The following THSD7A variants were observed in gnomAD, a reference collection of about 807,000 sequenced individuals.
THSD7A encodes the protein thrombospondin type-1 domain-containing protein 7A.
THSD7A carries 96 observed loss-of-function variants against 231.3 expected under a neutral mutation model. That is an observed-to-expected ratio of 0.41 (90% CI 0.35 to 0.49). The LOEUF (loss-of-function observed/expected upper bound fraction) is 0.49. THSD7A is among the 20% of genes least tolerant of loss of function. THSD7A has a pLI of 0.05. For missense variants in THSD7A, 2,290 were observed against 2,070.2 expected, an observed-to-expected ratio of 1.11 and a Z score of -2.06; for synonymous variants, 940 against 743.3, an observed-to-expected ratio of 1.26 and a Z score of -4.30.
At chr7:11,758,155 G>A (rs1019921929) in intron 1 of THSD7A, among the ~76,000 whole-genome samples, 8 of 151,546 alleles carry the variant, frequency 5.3e-5, no homozygotes, top group African/African-American at 1.9e-4. Flanking sequence ...TAGAGAAAAT[G>A]GTGGAAACTG....
At chr7:11,425,942 G>T (rs146911901) in intron 15 of THSD7A, among the ~76,000 whole-genome samples, 122 of 152,078 alleles carry the variant, frequency 8.0e-4, no homozygotes, top group Middle Eastern at 3.4e-3. Context: ...GTCTCAAAGA[G>T]GAATAAAAAA....
intron 1 of THSD7A, among the ~76,000 whole-genome samples, chr7:11,721,154 T>G (rs1046037446): frequency 6.6e-6 from 1 of 151,850 alleles, no homozygotes; most frequent in Non-Finnish European, 1.5e-5. Context: ...ACTTATTTTA[T>G]CCTAGTAATC....
At chr7:11,478,791 A>G (rs1388001178) in intron 7 of THSD7A, among the ~76,000 whole-genome samples, 2 of 152,244 alleles carry the variant, frequency 1.3e-5, no homozygotes, top group East Asian at 1.9e-4. Context: ...ACATACATAC[A>G]TATATACACA....
chr7:11,556,266 A>G (rs1789839401), intron 4 of THSD7A, among the ~76,000 whole-genome samples: 1 of 151,114 alleles, frequency 6.6e-6, no homozygotes, highest in South Asian at 2.1e-4. Flanking sequence ...TTACATATAT[A>G]TGTCATATAT....
intron 1 of THSD7A, among the ~76,000 whole-genome samples, chr7:11,795,729 C>A (rs1050689867): frequency 1.7e-4 from 25 of 151,306 alleles, no homozygotes; most frequent in Non-Finnish European, 3.0e-4. Context: ...TGATAGAAAG[C>A]AAAAAAACTG....
chr7:11,546,059 A>G (rs1562705824), intron 4 of THSD7A, among the ~76,000 whole-genome samples: 2 of 152,078 alleles, frequency 1.3e-5, no homozygotes, highest in Admixed American at 6.5e-5. Flanking sequence ...CTGCTACTGT[A>G]GCTCCTTCAT....
At chr7:11,763,932 ATAAG>A (rs1308648551) in intron 1 of THSD7A, among the ~76,000 whole-genome samples, 1 of 152,174 alleles carries the variant, frequency 6.6e-6, no homozygotes, top group Non-Finnish European at 1.5e-5. Context: ...TTAAATGGGG[ATAAG>A]TAAGTAATAT....
chr7:11,549,506 T>A (rs903136142), intron 4 of THSD7A, among the ~76,000 whole-genome samples: 4 of 152,050 alleles, frequency 2.6e-5, no homozygotes, highest in Non-Finnish European at 5.9e-5. Context: ...CTATTCACAA[T>A]AGCAAAGACA....
intron 9 of THSD7A, among the ~76,000 whole-genome samples, chr7:11,465,290 T>C (rs899413920): frequency 1.9e-4 from 29 of 152,094 alleles, no homozygotes. Flanking sequence ...GCATTAAGGA[T>C]TAATAAAAAT....
In THSD7A at chr7:11,429,141, T is replaced by G; in HGVS notation, c.3065-16A>C. On this transcript the variant is annotated splice_polypyrimidine_tract_variant and intron_variant, in intron 13 of 27. Transcript: ENST00000423059. ...TCAATGTAACCTGAGTAGAGGAAAA[T>G]GAGACAAGAATCATCTCCTCCACCT... 6.5e-7 allele frequency: 1 copy of G among 1,545,324 alleles called. No homozygotes were observed. Among genetic ancestry groups the G allele is most frequent in the Non-Finnish European group, 8.7e-7 (1 of 1,149,986 alleles).
In THSD7A at chr7:11,737,478, G is replaced by C. The variant is rs151014580; in HGVS notation, c.190+94279C>G. Among the ~76,000 whole-genome samples the C allele has an allele frequency of 1.8e-4, 27 of 152,138 alleles. No homozygotes were observed. In the East Asian group the frequency reaches 1.9e-3, roughly 11 times the overall value. On this transcript the variant is annotated intron_variant, in intron 1 of 27. Transcript: ENST00000423059. ...GATGCCATGCCTGTGCCCCGTCCTA[G>C]AACTAAATTTACTACACTCACGCAG... is the stretch of plus-strand genomic sequence containing the variant.
chr7:11,376,727 C>A, intron 26 of THSD7A, 70 bp from the exon 27 acceptor site: 2 of 1,188,060 alleles, frequency 1.7e-6, no homozygotes, highest in Non-Finnish European at 2.4e-6. Flanking sequence ...TTAACTATGA[C>A]CAATGATCAG....
intron 1 of THSD7A, among the ~76,000 whole-genome samples, chr7:11,825,783 C>T (rs146603874): frequency 2.0e-4 from 31 of 152,226 alleles, no homozygotes; most frequent in Non-Finnish European, 1.2e-4. Flanking sequence ...ATCCATGATG[C>T]CCCAGATTGA....
At chr7:11,754,393 C>G (rs915904465) in intron 1 of THSD7A, among the ~76,000 whole-genome samples, 1 of 151,942 alleles carries the variant, frequency 6.6e-6, no homozygotes, top group Admixed American at 6.6e-5. Flanking sequence ...TGGAGCCATA[C>G]ATGGGACTTA....
intron 1 of THSD7A, among the ~76,000 whole-genome samples, chr7:11,662,925 C>A (rs118135760): frequency 0.061 from 9,244 of 151,256 alleles, 298 homozygotes; most frequent in East Asian, 0.13. Flanking sequence ...GAAAACTTAT[C>A]ATTTAAATGC....
chr7:11,383,404 C>A lies in THSD7A; in HGVS notation c.4412-788G>T, dbSNP rs557536052. ...TTTTAATTTTGTTATTCAAACAATG[C>A]TCTGAAGGTCAACTGTGTGCAAATG... On this transcript the variant is annotated intron_variant, in intron 23 of 27. Coordinates refer to ENST00000423059, the MANE Select transcript of THSD7A (RefSeq NM_015204.3). 1.8e-3 allele frequency among the ~76,000 whole-genome samples: 272 copies of A among 152,072 alleles called. 1 individual carries two copies. The highest frequency in any genetic ancestry group is 0.01 in the Middle Eastern group (3 of 294).
chr7:11,831,912 C>A lies in THSD7A; in HGVS notation c.35G>T (p.Ser12Ile). The stretch of plus-strand genomic sequence containing the variant: ...CCGGCGCGGCCCCGCAGCGCCCCGG[C>A]TCCCGGACGCCCAGCGCCTGGCTTG... ...GLQARRWASG[S>I]RGAAGPRRGV... Residue 12 changes from serine (S) to isoleucine (I), a missense_variant, in exon 1 of 28, where the codon AGC becomes ATC. By Grantham distance (142) the Ser-to-Ile change is moderately radical. Coordinates refer to ENST00000423059, the MANE Select transcript of THSD7A (RefSeq NM_015204.3). The surrounding 1 kb of genome is among the most constrained non-coding windows in gnomAD (Gnocchi z 5.0). 8.1e-7 allele frequency: 1 copy of A among 1,237,278 alleles called. No individual in the cohort carries two copies. Among genetic ancestry groups the A allele is most frequent in the Non-Finnish European group, 1.0e-6 (1 of 993,804 alleles). 76.6% of individuals were successfully genotyped at this position (1,237,278 alleles called of 1,614,324 possible). A position where few individuals can be genotyped will look rare whatever the true frequency, so the allele number is the denominator to read the frequency against.
chr7:11,412,568 A>T, intron 18 of THSD7A, 88 bp downstream of exon 18: 1 of 1,466,268 alleles, frequency 6.8e-7, no homozygotes, highest in Non-Finnish European at 9.4e-7. Flanking sequence ...GCACACAGGT[A>T]GAGATGAACT....
chr7:11,739,056 T>C (rs1369110911), intron 1 of THSD7A, among the ~76,000 whole-genome samples: 1 of 152,024 alleles, frequency 6.6e-6, no homozygotes, highest in Non-Finnish European at 1.5e-5. Context: ...GCCTCATTAG[T>C]GTAATTATTT....
Sources: allele counts gnomAD v4.1 joint callset (sites outside exome capture counted in the v4.1 genomes callset), GRCh38; gene constraint gnomAD v4.1.1; non-coding constraint Gnocchi (gnomAD v3.1); transcripts MANE v1.5; gene names NCBI Gene and HGNC (gene_info 2026-07-23, HGNC 2026-07-21).